The following CA5A variants were observed in gnomAD, a reference collection of about 807,000 sequenced individuals.
CA5A encodes carbonic anhydrase 5A, mitochondrial.
A neutral mutation model predicts 37.1 loss-of-function variants in CA5A; 28 were observed. The ratio of observed to expected loss-of-function variants is 0.75; its 90% CI spans 0.56 to 1.03. CA5A has a LOEUF of 1.03. Among genes scored for constraint, CA5A ranks in the 50% least tolerant of loss-of-function variants. The pLI, the probability that CA5A is intolerant of heterozygous loss-of-function variation, is 0.00. For missense variants in CA5A, 444 were observed against 399.9 expected, an observed-to-expected ratio of 1.11 and a Z score of -0.94; for synonymous variants, 171 against 158.4, an observed-to-expected ratio of 1.08 and a Z score of -0.60.
chr16:87,902,712 C>G (rs1358020467), intron 3 of CA5A, among the ~76,000 whole-genome samples, 192 bp from the exon 4 acceptor site: 3 of 151,236 alleles, frequency 2.0e-5, no homozygotes, highest in Non-Finnish European at 4.4e-5. Flanking sequence ...CGAGACCATG[C>G]TGGCTAACAT....
chr16:87,891,978 C>T (rs1281400687), intron 5 of CA5A, 24 bp from the exon 6 acceptor site: 20 of 1,511,918 alleles, frequency 1.3e-5, no homozygotes, highest in Non-Finnish European at 1.6e-5. Context: ...AAGCACAGGA[C>T]GTGTCAGTCC....
intron 2 of CA5A, among the ~76,000 whole-genome samples, chr16:87,922,914 T>G (rs1215865626): frequency 1.3e-5 from 2 of 152,264 alleles, no homozygotes; most frequent in Non-Finnish European, 2.9e-5. Context: ...TCCCCAAGCC[T>G]TCTTTTTCAC....
At chr16:87,935,272 A>G (rs1470712720) in intron 1 of CA5A, among the ~76,000 whole-genome samples, 1 of 152,244 alleles carries the variant, frequency 6.6e-6, no homozygotes, top group African/African-American at 2.4e-5. Context: ...AGACCCAGAA[A>G]GAGGAAGGGC....
At chr16:87,928,598 T>G (rs1035868094) in intron 1 of CA5A, among the ~76,000 whole-genome samples, 5 of 152,152 alleles carry the variant, frequency 3.3e-5, no homozygotes, top group African/African-American at 1.2e-4. Context: ...ACAATTCTTT[T>G]TAATGGTGGC....
At chr16:87,927,492 G>A (rs1322397981) in intron 1 of CA5A, among the ~76,000 whole-genome samples, 3 of 152,194 alleles carry the variant, frequency 2.0e-5, no homozygotes, top group African/African-American at 7.2e-5. Flanking sequence ...CAGAGTGGCA[G>A]CCCCTCTACC....
intron 1 of CA5A, among the ~76,000 whole-genome samples, chr16:87,931,681 C>A (rs1356534482): frequency 6.6e-6 from 1 of 152,212 alleles, no homozygotes; most frequent in African/African-American, 2.4e-5. Context: ...TTTCCCTGCC[C>A]CTGCCTTACA....
In CA5A at chr16:87,898,923, C is replaced by T. The variant is rs897392925; in HGVS notation, c.618+2989G>A. ...CTAATTTTTGTATTTTTAGTAGAGA[C>T]GGGGTTTTGCCATGTTGGCCAGGCT... On this transcript the variant is annotated intron_variant, in intron 5 of 6. Coordinates refer to ENST00000649794, the MANE Select transcript of CA5A (RefSeq NM_001739.2). 2.2e-3 allele frequency among the ~76,000 whole-genome samples: 337 copies of T among 151,904 alleles called. 2 individuals carry two copies. The highest frequency in any genetic ancestry group is 7.7e-3 in the African/African-American group (320 of 41,414).
intron 3 of CA5A, among the ~76,000 whole-genome samples, chr16:87,903,370 G>A (rs1051227780): frequency 1.2e-4 from 18 of 151,984 alleles, no homozygotes; most frequent in African/African-American, 4.3e-4. Flanking sequence ...AGCAGAGGTT[G>A]CAGTGAGCCA....
rs2055883581 is a variant in CA5A at position 87,901,906 on chromosome 16, G to A, written c.618+6C>T. 6.2e-7 allele frequency: 1 copy of A among 1,611,964 alleles called. No homozygotes were observed. The highest frequency in any genetic ancestry group is 8.5e-7 in the Non-Finnish European group (1 of 1,178,606). ...CCGGCCTGCTGATTTCAAATATGCA[G>A]CTTACCTTATGTTTTATTTCCGGCA... On this transcript the variant is annotated splice_donor_region_variant and intron_variant, in intron 5 of 6. Coordinates refer to ENST00000649794, the MANE Select transcript of CA5A (RefSeq NM_001739.2).
chr16:87,909,233 G>A (rs1237919698), intron 2 of CA5A, among the ~76,000 whole-genome samples: 1 of 152,138 alleles, frequency 6.6e-6, no homozygotes, highest in Non-Finnish European at 1.5e-5. Flanking sequence ...TCTGCCTCCT[G>A]AGGGGAACCA....
At chr16:87,890,876 C>G (rs1337169591) in intron 6 of CA5A, among the ~76,000 whole-genome samples, 1 of 152,024 alleles carries the variant, frequency 6.6e-6, no homozygotes, top group Non-Finnish European at 1.5e-5. Context: ...CTCACTGCAG[C>G]CTCTGCCTCC....
chr16:87,911,335 G>A lies in CA5A; in HGVS notation c.341-6431C>T, dbSNP rs971452267. ...AAACATAATAACAGATGACGTTTGG[G>A]GCCGGCTCCAGGCTGTGACGTGCTG... On this transcript the variant is annotated intron_variant, in intron 2 of 6. Transcript: ENST00000649794. This position sits in a 1 kb window ranked among gnomAD's most constrained non-coding sequence, Gnocchi z 4.6. Among the ~76,000 whole-genome samples, 11 of 152,120 alleles carry A rather than the reference G, an allele frequency of 7.2e-5. No homozygotes were observed. Among genetic ancestry groups the A allele is most frequent in the Admixed American group, 3.9e-4 (6 of 15,256 alleles).
At chr16:87,907,145 C>T (rs371356942) in intron 2 of CA5A, among the ~76,000 whole-genome samples, 47 of 151,594 alleles carry the variant, frequency 3.1e-4, no homozygotes, top group African/African-American at 1.1e-3. Context: ...TTGAACCTGG[C>T]GGGTGGAGGT....
At chr16:87,881,753 C>G (rs778877711) in exon 5 of CA5A, 3 of 152,174 alleles carry the variant, frequency 2.0e-5, no homozygotes, top group Non-Finnish European at 4.4e-5. Context: ...TTTTTTGTCC[C>G]GTTGCTTTGA....
chr16:87,924,075 T>G (rs927779682), intron 2 of CA5A: 2 of 985,412 alleles, frequency 2.0e-6, no homozygotes, highest in Non-Finnish European at 2.4e-6. Flanking sequence ...AATAAATGAA[T>G]GCAAAAATCC....
intron 6 of CA5A, among the ~76,000 whole-genome samples, chr16:87,890,883 C>T (rs1160374651): frequency 6.6e-6 from 1 of 152,044 alleles, no homozygotes; most frequent in African/African-American, 2.4e-5. Context: ...CAGCCTCTGC[C>T]TCCCGGCTTC....
chr16:87,915,265 T>G (rs2056119906), intron 2 of CA5A, among the ~76,000 whole-genome samples: 1 of 152,178 alleles, frequency 6.6e-6, no homozygotes, highest in Admixed American at 6.5e-5. Flanking sequence ...GTCACGAAAT[T>G]TCTATCACTG....
intron 2 of CA5A, among the ~76,000 whole-genome samples, chr16:87,909,471 G>A (rs57062131): frequency 0.047 from 7,189 of 152,304 alleles, 368 homozygotes; most frequent in African/African-American, 0.13. Flanking sequence ...AGGAAGGCTG[G>A]GCCGCTGCGT....
At chr16:87,928,049 G>C (rs571415069) in intron 1 of CA5A, among the ~76,000 whole-genome samples, 2 of 152,058 alleles carry the variant, frequency 1.3e-5, no homozygotes, top group South Asian at 4.2e-4. Context: ...TGAAACCTTA[G>C]AGCACTTCCA....
Sources: allele counts gnomAD v4.1 joint callset (sites outside exome capture counted in the v4.1 genomes callset), GRCh38; gene constraint gnomAD v4.1.1; non-coding constraint Gnocchi (gnomAD v3.1); transcripts MANE v1.5; gene names NCBI Gene and HGNC (gene_info 2026-07-23, HGNC 2026-07-21).